MEP1A: variants seen among roughly 807,000 people sequenced by gnomAD.
The protein encoded by MEP1A is meprin A subunit alpha, also known as N-benzoyl-L-tyrosyl-P-amino-benzoic acid hydrolase subunit alpha.
A neutral mutation model predicts 84.5 loss-of-function variants in MEP1A; 68 were observed. The ratio of observed to expected loss-of-function variants is 0.80; its 90% CI spans 0.66 to 0.98. MEP1A has a LOEUF of 0.98. Ranked by LOEUF, MEP1A falls within the 50% of genes least tolerant of loss-of-function variation. MEP1A has a pLI of 0.00. For missense variants in MEP1A, 887 were observed against 919.9 expected (o/e 0.96, Z 0.46); for synonymous variants, 337 against 336.8 (o/e 1.00, Z -0.01).
chr6:46,806,494 G>A (rs1008021860), intron 5 of MEP1A, among the ~76,000 whole-genome samples: 2 of 151,934 alleles, frequency 1.3e-5, no homozygotes, highest in South Asian at 2.1e-4. Context: ...TGGAATGCCC[G>A]AGTTTCCCCA....
At chr6:46,807,775 GAAAGAA>G (rs1390645794) in intron 5 of MEP1A, among the ~76,000 whole-genome samples, 46 of 45,010 alleles carry the variant, frequency 1.0e-3, no homozygotes, top group Non-Finnish European at 1.6e-3. Context: ...AGAAAGGAAA[GAAAGAA>G]AGAAAGAAAG....
At chr6:46,813,657 A>G (rs1303624922) in intron 6 of MEP1A, among the ~76,000 whole-genome samples, 1 of 152,076 alleles carries the variant, frequency 6.6e-6, no homozygotes, top group Non-Finnish European at 1.5e-5. Context: ...TGTAAGATTT[A>G]TGCTTTAAGG....
In MEP1A at chr6:46,825,329, C is replaced by G. The variant is rs746029684; in HGVS notation, c.614C>G (p.Pro205Arg). 6.2e-7 allele frequency: 1 copy of G among 1,613,558 alleles called. No individual in the cohort carries two copies. Among genetic ancestry groups the G allele is most frequent in the Non-Finnish European group, 8.5e-7 (1 of 1,179,794 alleles). ...AGCTTAATCACAGACCTCAATACAC[C>G]CTATGATTATGAGTCTTTGATGCAC... is the stretch of plus-strand genomic sequence containing the variant. ...DDSLITDLNT[P>R]YDYESLMHYQ... The change falls in exon 8 of 14, where the codon CCC becomes CGC. Residue 205 changes from proline (P) to arginine (R), a missense_variant. Transcript: ENST00000230588.
chr6:46,811,021 G>T (rs1767486782), intron 6 of MEP1A, among the ~76,000 whole-genome samples: 1 of 152,002 alleles, frequency 6.6e-6, no homozygotes, highest in Non-Finnish European at 1.5e-5. Context: ...GTGGTATTTT[G>T]ATGGGAATTG....
intron 6 of MEP1A, among the ~76,000 whole-genome samples, chr6:46,819,063 A>G (rs555263300): frequency 5.9e-4 from 90 of 152,272 alleles, no homozygotes; most frequent in Non-Finnish European, 1.1e-3. Context: ...GGCTGCTGTG[A>G]GCTGTGATTG....
intron 5 of MEP1A, 95 bp downstream of exon 5, chr6:46,799,276 A>G: frequency 2.5e-6 from 2 of 805,898 alleles, no homozygotes; most frequent in East Asian, 2.5e-5. Flanking sequence ...AACCACCACG[A>G]TCTAAGAGAG....
rs548142051 is a variant in MEP1A, at chr6:46,810,996, C to G, written c.380+1459C>G. On this transcript the variant is annotated intron_variant, in intron 6 of 13. Coordinates refer to ENST00000230588, the MANE Select transcript of MEP1A (RefSeq NM_005588.3). Reference sequence around the variant, plus strand: ...GAATTTTAGGATGGTTTTTCCAGGTCTGTGAAGAATGATGGTGGTATTTTG... The same window carrying G: ...GAATTTTAGGATGGTTTTTCCAGGTGTGTGAAGAATGATGGTGGTATTTTG... Among the ~76,000 whole-genome samples, 37 of 151,986 alleles carry G rather than the reference C, an allele frequency of 2.4e-4. No individual in the cohort carries two copies. The South Asian group carries it at 6.4e-3, about 26-fold the overall frequency.
Position 46,835,254 on chromosome 6 carries a change from A to G in MEP1A, c.1789A>G (p.Thr597Ala). ...TGACTCTCTATTTCCTGAAGATATCACCCACCTCAGCCAGACTGAAGTTCC... is the reference window on the plus strand; with the variant it reads ...TGACTCTCTATTTCCTGAAGATATCGCCCACCTCAGCCAGACTGAAGTTCC... ...LIIFVDFEDITHLSQTEVPTK... is the reference protein window; with the variant it reads ...LIIFVDFEDIAHLSQTEVPTK... Residue 597 changes from threonine to alanine, a missense_variant, in exon 13 of 14, where the codon ACC (threonine) becomes GCC (alanine). Physicochemically the swap from Thr to Ala is moderately conservative, Grantham distance 58. Coordinates refer to ENST00000230588, the MANE Select transcript of MEP1A (RefSeq NM_005588.3). 1 of 1,589,710 alleles carries G rather than the reference A, an allele frequency of 6.3e-7. No homozygotes were observed. The highest frequency in any genetic ancestry group is 8.5e-7 in the Non-Finnish European group (1 of 1,169,958).
At chr6:46,807,570 AAGGAAGGAAGGAAGG>A (rs1767367599) in intron 5 of MEP1A, among the ~76,000 whole-genome samples, 6 of 49,664 alleles carry the variant, frequency 1.2e-4, no homozygotes, top group African/African-American at 5.2e-4. Context: ...GAAAGAAAGG[AAGGAAGGAAGGAAGG>A]AAGGAAGGAA....
downstream of MEP1A, among the ~76,000 whole-genome samples, chr6:46,840,385 G>A (rs996018464): frequency 2.0e-5 from 3 of 152,058 alleles, no homozygotes; most frequent in African/African-American, 7.2e-5. Flanking sequence ...GATCTAGGGT[G>A]GGATCTAAGA....
intron 12 of MEP1A, 142 bp downstream of exon 12, chr6:46,834,893 G>A: frequency 1.6e-6 from 1 of 641,858 alleles, no homozygotes; most frequent in East Asian, 2.8e-5. Context: ...TATTCAATTG[G>A]TCAAGGACTC....
chr6:46,809,382 C>T, intron 5 of MEP1A, 38 bp from the exon 6 acceptor site: 1 of 1,297,914 alleles, frequency 7.7e-7, no homozygotes, highest in Non-Finnish European at 1.1e-6. Flanking sequence ...ATCTAAGGTC[C>T]AAATAATGCT....
chr6:46,798,555 T>A, intron 3 of MEP1A, 51 bp from the exon 4 acceptor site: 1 of 1,439,460 alleles, frequency 6.9e-7, no homozygotes. Flanking sequence ...AAGATGCCTT[T>A]TAATAATGTT....
chr6:46,838,445 A>G (rs975552832), intron 13 of MEP1A, among the ~76,000 whole-genome samples: 2 of 152,194 alleles, frequency 1.3e-5, no homozygotes, highest in Admixed American at 1.3e-4. Flanking sequence ...TCATTATCTC[A>G]TGTGAACTTC....
At chr6:46,796,380 C>T (rs148491736) in intron 3 of MEP1A, among the ~76,000 whole-genome samples, 3 of 152,256 alleles carry the variant, frequency 2.0e-5, no homozygotes, top group African/African-American at 7.2e-5. Context: ...TAAAATGCCA[C>T]CTCCTGTGGG....
downstream of MEP1A, among the ~76,000 whole-genome samples, chr6:46,844,739 C>G (rs1043917934): frequency 2.0e-5 from 3 of 152,188 alleles, no homozygotes; most frequent in Non-Finnish European, 1.5e-5. Context: ...CAAACTCCAA[C>G]TGGTCAAATG....
chr6:46,833,725 T>C (rs1320422974), intron 11 of MEP1A, among the ~76,000 whole-genome samples, 187 bp downstream of exon 11: 2 of 152,164 alleles, frequency 1.3e-5, no homozygotes, highest in African/African-American at 4.8e-5. Context: ...CTTTCCTAAA[T>C]TCACTCATCA....
chr6:46,826,379 C>T lies in MEP1A; in HGVS notation c.804C>T (p.His268=). 6.2e-7 allele frequency: 1 copy of T among 1,608,132 alleles called. No individual in the cohort carries two copies. The highest frequency in any genetic ancestry group is 2.2e-5 in the East Asian group (1 of 44,776). ...NCTTTHTLLD[H]CTFEKANICG... Reference sequence around the variant, plus strand: ...CCACAACTCACACTCTTTTGGACCACTGTACTTTTGAGAAGGCAAACATCT... The same window carrying T: ...CCACAACTCACACTCTTTTGGACCATTGTACTTTTGAGAAGGCAAACATCT... The change falls in exon 9 of 14, where the codon CAC becomes CAT. Residue 268 remains histidine, a synonymous_variant. Transcript: ENST00000230588.
Position 46,799,086 on chromosome 6 carries a change from C to A in MEP1A, c.187-20C>A, listed in dbSNP as rs749677706. ...CTTGAGGACTAGGCTTCCCACTCAC[C>A]TTTACCTTTGTTTTCACAGAAATCC... On this transcript the variant is annotated intron_variant, in intron 4 of 13. Coordinates refer to ENST00000230588, the MANE Select transcript of MEP1A (RefSeq NM_005588.3). 10 of 1,583,020 alleles carry A rather than the reference C, an allele frequency of 6.3e-6. No individual in the cohort carries two copies. Among genetic ancestry groups the A allele is most frequent in the Middle Eastern group, 3.3e-4 (2 of 6,046 alleles).
Sources: allele counts gnomAD v4.1 joint callset (sites outside exome capture counted in the v4.1 genomes callset), GRCh38; gene constraint gnomAD v4.1.1; transcripts MANE v1.5; gene names NCBI Gene and HGNC (gene_info 2026-07-23, HGNC 2026-07-21).